Variants in RSL24D1 observed in about 807,000 individuals in gnomAD.
RSL24D1 encodes the protein ribosomal L24 domain containing 1, also known as probable ribosome biogenesis protein RLP24.
RSL24D1 carries 6 observed loss-of-function variants against 26.2 expected under a neutral mutation model. The observed-to-expected ratio is 0.23, with a 90% confidence interval of 0.13 to 0.45. RSL24D1 has a LOEUF of 0.45. RSL24D1 is among the 20% of genes least tolerant of loss of function. The pLI, the probability that RSL24D1 is intolerant of heterozygous loss-of-function variation, is 0.99. For missense variants in RSL24D1, 176 were observed against 202.6 expected (o/e 0.87, Z 0.80); for synonymous variants, 61 against 59.1 (o/e 1.03, Z -0.15).
At chr15:55,184,155 C>T (rs1894199455) in intron 4 of RSL24D1, among the ~76,000 whole-genome samples, 1 of 152,086 alleles carries the variant, frequency 6.6e-6, no homozygotes. Context: ...TATTCCATAG[C>T]AATTAATTTA....
chr15:55,183,480 A>C (rs1260596455), intron 4 of RSL24D1, 80 bp from the exon 5 acceptor site: 3 of 992,858 alleles, frequency 3.0e-6, no homozygotes, highest in South Asian at 2.9e-5. Context: ...ACAGCTTCTA[A>C]ATTTTGTTAC....
In RSL24D1 at chr15:55,195,943, C is replaced by G. The variant is rs182759509; in HGVS notation, c.81+867G>C. Among the ~76,000 whole-genome samples the G allele has an allele frequency of 1.0e-3, 153 of 152,300 alleles. 1 individual carries two copies. Among genetic ancestry groups the G allele is most frequent in the African/African-American group, 3.6e-3 (149 of 41,544 alleles). ...CCCCAAAGATTCCAACTCAATAGAT[C>G]TGGTGAAAACCAGGAATCTGTAAAC... On this transcript the variant is annotated intron_variant, in intron 1 of 5. Coordinates refer to ENST00000260443, the MANE Select transcript of RSL24D1 (RefSeq NM_016304.3).
At chr15:55,189,696 G>T (rs8040489) in intron 3 of RSL24D1, among the ~76,000 whole-genome samples, 6,061 of 152,092 alleles carry the variant, frequency 0.04, 435 homozygotes, top group African/African-American at 0.14. Context: ...TGTGGCCCAG[G>T]GAAGCCAAAG....
chr15:55,188,506 T>C (rs1345315421), intron 3 of RSL24D1, among the ~76,000 whole-genome samples: 1 of 152,168 alleles, frequency 6.6e-6, no homozygotes, highest in Non-Finnish European at 1.5e-5. Context: ...AACAATAAAA[T>C]AGGAGTACTC....
rs778547752 is a variant in RSL24D1, at chr15:55,182,248, A to G, written c.419-23T>C. 2.8e-6 allele frequency: 4 copies of G among 1,418,158 alleles called. No homozygotes were observed. The African/African-American group carries it at 5.6e-5, about 20-fold the overall frequency. 87.8% of individuals were successfully genotyped at this position (1,418,158 alleles called of 1,614,324 possible). ...TGCCTTTAATAAAAATAAGTAAAAA[A>G]TAAACAACTTAATTAAATGTGACCT... On this transcript the variant is annotated intron_variant, in intron 5 of 5. Coordinates refer to ENST00000260443, the MANE Select transcript of RSL24D1 (RefSeq NM_016304.3).
At chr15:55,193,550 G>A (rs1214863504) in intron 1 of RSL24D1, among the ~76,000 whole-genome samples, 1 of 152,182 alleles carries the variant, frequency 6.6e-6, no homozygotes, top group East Asian at 1.9e-4. Flanking sequence ...GGGGTTTGTG[G>A]ATCTTGGTAA....
chr15:55,195,849 G>C (rs1894349508), intron 1 of RSL24D1, among the ~76,000 whole-genome samples: 1 of 152,174 alleles, frequency 6.6e-6, no homozygotes, highest in South Asian at 2.1e-4. Flanking sequence ...AGGTGAAGAA[G>C]TCAGACTTGT....
At chr15:55,192,949 G>A in intron 1 of RSL24D1, 116 bp from the exon 2 acceptor site, 2 of 650,452 alleles carry the variant, frequency 3.1e-6, no homozygotes, top group African/African-American at 1.8e-5. Flanking sequence ...ATTTAGAAAT[G>A]TGTAAGATAT....
At chr15:55,194,766 T>G (rs973925176) in intron 1 of RSL24D1, among the ~76,000 whole-genome samples, 1 of 151,170 alleles carries the variant, frequency 6.6e-6, no homozygotes, top group Non-Finnish European at 1.5e-5. Flanking sequence ...GCAGAAAGAC[T>G]AGTTAAAGCC....
chr15:55,191,539 A>G (rs904719466), intron 2 of RSL24D1, among the ~76,000 whole-genome samples: 1 of 152,202 alleles, frequency 6.6e-6, no homozygotes, highest in Non-Finnish European at 1.5e-5. Context: ...GCAAAAAGGT[A>G]TGAAAACTAT....
intron 3 of RSL24D1, among the ~76,000 whole-genome samples, chr15:55,189,193 C>CAAAAAAA (rs11320888): frequency 1.5e-4 from 10 of 66,506 alleles, no homozygotes; most frequent in African/African-American, 1.4e-4. Flanking sequence ...ACTCCCATCT[C>CAAAAAAA]AAAAAAAAAA....
intron 4 of RSL24D1, among the ~76,000 whole-genome samples, chr15:55,184,270 T>C (rs977388011): frequency 1.3e-5 from 2 of 152,140 alleles, no homozygotes; most frequent in African/African-American, 4.8e-5. Flanking sequence ...ATGAGGAGAA[T>C]TGTCAAAATG....
intron 4 of RSL24D1, among the ~76,000 whole-genome samples, chr15:55,185,059 T>A (rs1007215865): frequency 1.3e-5 from 2 of 152,172 alleles, no homozygotes; most frequent in Admixed American, 1.3e-4. Context: ...ATTACATCAA[T>A]GTTAATTTCC....
At chr15:55,196,478 T>A in intron 1 of RSL24D1, 1 of 549,694 alleles carries the variant, frequency 1.8e-6, no homozygotes, top group Non-Finnish European at 3.5e-6. Flanking sequence ...TTTACTGGAT[T>A]CAAGAATTTG....
chr15:55,190,826 C>A, intron 3 of RSL24D1, 149 bp downstream of exon 3: 1 of 620,944 alleles, frequency 1.6e-6, no homozygotes, highest in South Asian at 1.9e-5. Context: ...CTGACTACAA[C>A]AGAACCATTA....
rs1361181597 is a variant in RSL24D1 at position 55,181,403 on chromosome 15, A to C, written c.*749T>G. 1 of 152,666 alleles carries C rather than the reference A, an allele frequency of 6.6e-6. No homozygotes were observed. The highest frequency in any genetic ancestry group is 1.5e-5 in the Non-Finnish European group (1 of 68,046). The allele number at this position is 152,666 out of a possible 1,614,324, so 9.5% of individuals were successfully genotyped here. ...CTTTCCAAAAACAGGAGCTTTTTAAAAGAAAACCACATAACAACTTTTAAA... is the reference window on the plus strand; with the variant it reads ...CTTTCCAAAAACAGGAGCTTTTTAACAGAAAACCACATAACAACTTTTAAA... On this transcript the variant is annotated 3_prime_UTR_variant, in exon 6 of 6. Coordinates refer to ENST00000260443, the MANE Select transcript of RSL24D1 (RefSeq NM_016304.3).
chr15:55,195,640 T>C (rs780571292), intron 1 of RSL24D1: 3 of 152,266 alleles, frequency 2.0e-5, no homozygotes, highest in Non-Finnish European at 4.4e-5. Flanking sequence ...AAAACCATAC[T>C]GCCTACTCTG....
Position 55,181,238 on chromosome 15 carries a change from TGGA to T in RSL24D1, c.*911_*913del, listed in dbSNP as rs1274710313. On this transcript the variant is annotated 3_prime_UTR_variant, in exon 6 of 6. Transcript: ENST00000260443. ...GTATCTCCTACTTAAATGGGATGTG[TGGA>T]GGAAGATTTCTTCTTCCAGGTCATC... 3.3e-5 allele frequency: 5 copies of T among 152,430 alleles called. No homozygotes were observed. Among genetic ancestry groups the T allele is most frequent in the Non-Finnish European group, 5.9e-5 (4 of 68,048 alleles). The allele number at this position is 152,430 out of a possible 1,614,324, so 9.4% of individuals were successfully genotyped here.
chr15:55,183,110 T>C (rs1349857895), intron 5 of RSL24D1, among the ~76,000 whole-genome samples: 3 of 152,136 alleles, frequency 2.0e-5, no homozygotes, highest in South Asian at 2.1e-4. Context: ...ATATGGAACA[T>C]AGAATTCAAT....
Sources: allele counts gnomAD v4.1 joint callset (sites outside exome capture counted in the v4.1 genomes callset), GRCh38; gene constraint gnomAD v4.1.1; transcripts MANE v1.5; gene names NCBI Gene and HGNC (gene_info 2026-07-23, HGNC 2026-07-21).